The following RPL5 variants were observed in gnomAD, a reference collection of about 807,000 sequenced individuals.
RPL5 encodes ribosomal protein L5, also known as large ribosomal subunit protein uL18.
In RPL5, 1 loss-of-function variant was observed where a neutral mutation model predicts 38.4. The ratio of observed to expected loss-of-function variants is 0.03; its 90% confidence interval spans 0.01 to 0.12. The LOEUF is 0.12. Ranked by LOEUF, RPL5 falls within the 10% of genes least tolerant of loss-of-function variation. The pLI is 1.00. For synonymous variants in RPL5, 109 were observed against 121.2 expected (o/e 0.90, Z 0.66); for missense variants, 243 against 374.1 (o/e 0.65, Z 2.89).
At chr1:92,833,092 C>T in intron 1 of RPL5, 1 of 707,002 alleles carries the variant, frequency 1.4e-6, no homozygotes, top group South Asian at 1.5e-5. Context: ...AGCAATATAA[C>T]AATAATTTTA....
rs1687008007 is a variant in RPL5, at chr1:92,833,735, G to A, written c.189+75G>A. Reference sequence around the variant, plus strand: ...GCTTGGGAAGCAAAGCACATGGTGTGTGTGTTAGAAGGGCTGTCTAGCACC... The same window carrying A: ...GCTTGGGAAGCAAAGCACATGGTGTATGTGTTAGAAGGGCTGTCTAGCACC... On this transcript the variant is annotated intron_variant, in intron 3 of 7. Coordinates refer to ENST00000370321, the MANE Select transcript of RPL5 (RefSeq NM_000969.5). 5 of 1,228,626 alleles carry A rather than the reference G, an allele frequency of 4.1e-6. No homozygotes were observed. In the Admixed American group the frequency reaches 6.9e-5, roughly 17 times the overall value. The allele number at this position is 1,228,626 out of a possible 1,614,324, so 76.1% of individuals were successfully genotyped here.
intron 3 of RPL5, 58 bp from the exon 4 acceptor site, chr1:92,834,721 A>G: frequency 6.2e-7 from 1 of 1,602,468 alleles, no homozygotes; most frequent in Non-Finnish European, 8.5e-7. Context: ...AAAATAATTA[A>G]GATGTAGTAA....
chr1:92,833,527 A>G lies in RPL5; in HGVS notation c.74-18A>G, dbSNP rs933158035. 2.5e-6 allele frequency: 4 copies of G among 1,612,580 alleles called. No homozygotes were observed. Among genetic ancestry groups the G allele is most frequent in the East Asian group, 2.2e-5 (1 of 44,876 alleles). On this transcript the variant is annotated intron_variant, in intron 2 of 7. Coordinates refer to ENST00000370321, the MANE Select transcript of RPL5 (RefSeq NM_000969.5). ...GATGCAGTGGAGTATCCTTTCTACA[A>G]TTATTTTTTTCTTTCAGAGGGTAAA...
At position 92,837,438 on chromosome 1, in the gene RPL5, T is replaced by A; in HGVS notation, c.528-18T>A. ...AGTTAAGTGAGTCTATACTAAAATA[T>A]GAATAACTTTATTTTAGTACCAAAC... On this transcript the variant is annotated intron_variant, in intron 5 of 7. Transcript: ENST00000370321. 1 of 1,603,770 alleles carries A rather than the reference T, an allele frequency of 6.2e-7. No individual in the cohort carries two copies. The highest frequency in any genetic ancestry group is 8.5e-7 in the Non-Finnish European group (1 of 1,170,584).
At chr1:92,841,047 T>C (rs551632884) in intron 7 of RPL5, among the ~76,000 whole-genome samples, 5 of 152,230 alleles carry the variant, frequency 3.3e-5, no homozygotes, top group Non-Finnish European at 7.3e-5. Context: ...CTTAACACTT[T>C]GTGGCAACAA....
chr1:92,833,727 C>CA, intron 3 of RPL5, 67 bp downstream of exon 3: 2 of 1,295,134 alleles, frequency 1.5e-6, no homozygotes, highest in Non-Finnish European at 2.2e-6. Flanking sequence ...AAGCAAAGCA[C>CA]ATGGTGTGTG....
At chr1:92,836,491 T>C in intron 5 of RPL5, 99 bp downstream of exon 5, 2 of 1,079,226 alleles carry the variant, frequency 1.9e-6, no homozygotes, top group African/African-American at 1.5e-5. Context: ...TAGCTATCAA[T>C]TGAATGCCTG....
At position 92,836,297 on chromosome 1, in the gene RPL5, C is replaced by T. The variant is rs1687122258; in HGVS notation, c.432C>T (p.Cys144=). The change falls in exon 5 of 8, where the codon TGC becomes TGT. Residue 144 remains cysteine, a synonymous_variant. Transcript: ENST00000370321. The part of the protein sequence containing the change: ...SIDGQPGAFT[C]YLDAGLARTT... ...ATGGTCAGCCAGGTGCCTTCACCTG[C>T]TATTTGGATGCAGGCCTTGCCAGAA... 3.1e-6 allele frequency: 5 copies of T among 1,614,132 alleles called. No homozygotes were observed. Among genetic ancestry groups the T allele is most frequent in the Non-Finnish European group, 4.2e-6 (5 of 1,179,996 alleles).
rs1472354646 is a variant in RPL5 at position 92,833,525 on chromosome 1, C to T, written c.74-20C>T. On this transcript the variant is annotated intron_variant, in intron 2 of 7. Coordinates refer to ENST00000370321, the MANE Select transcript of RPL5 (RefSeq NM_000969.5). ...CAGATGCAGTGGAGTATCCTTTCTA[C>T]AATTATTTTTTTCTTTCAGAGGGTA... 1 of 1,611,696 alleles carries T rather than the reference C, an allele frequency of 6.2e-7. No homozygotes were observed. The highest frequency in any genetic ancestry group is 2.2e-5 in the East Asian group (1 of 44,854).
intron 5 of RPL5, chr1:92,836,801 T>C (rs1387676406): frequency 1.4e-5 from 3 of 220,242 alleles, no homozygotes; most frequent in Non-Finnish European, 1.8e-5. Context: ...AAAAGGCTTA[T>C]GAAAGATTTC....
At chr1:92,837,964 A>G (rs150488958) in intron 6 of RPL5, among the ~76,000 whole-genome samples, 61 of 152,316 alleles carry the variant, frequency 4.0e-4, no homozygotes, top group African/African-American at 1.4e-3. Flanking sequence ...TTCATAGCAT[A>G]TGTGTGCTAT....
intron 6 of RPL5, among the ~76,000 whole-genome samples, chr1:92,838,996 T>C (rs1687231096): frequency 4.0e-5 from 6 of 150,926 alleles, no homozygotes; most frequent in Middle Eastern, 3.4e-3. Flanking sequence ...TAGTCTGTAG[T>C]GGGCTATAAT....
chr1:92,835,453 G>C (rs1253782510), intron 4 of RPL5, among the ~76,000 whole-genome samples: 1 of 151,176 alleles, frequency 6.6e-6, no homozygotes, highest in Non-Finnish European at 1.5e-5. Context: ...AGGAGTTTGA[G>C]ACTAGCCTGG....
intron 4 of RPL5, 45 bp downstream of exon 4, chr1:92,834,958 C>T (rs1481901033): frequency 6.3e-7 from 1 of 1,599,404 alleles, no homozygotes; most frequent in African/African-American, 1.3e-5. Flanking sequence ...TGGCTGATTG[C>T]TTGGAGAGTT....
chr1:92,841,725 T>C, intron 7 of RPL5, 41 bp from the exon 8 acceptor site: 1 of 1,284,550 alleles, frequency 7.8e-7, no homozygotes, highest in Non-Finnish European at 1.1e-6. Flanking sequence ...TCTATTCTCT[T>C]CAGTTATAGT....
chr1:92,841,747 A>G lies in RPL5; in HGVS notation c.795-19A>G. On this transcript the variant is annotated intron_variant, in intron 7 of 7. Transcript: ENST00000370321. ...TCTTCAGTTATAGTTTAAAAAATAT[A>G]TATTCCTATCTTTTGTAGGTGGAAC... 1 of 1,543,156 alleles carries G rather than the reference A, an allele frequency of 6.5e-7. No homozygotes were observed. The highest frequency in any genetic ancestry group is 8.9e-7 in the Non-Finnish European group (1 of 1,118,854).
intron 1 of RPL5, 55 bp downstream of exon 1, chr1:92,832,172 G>A (rs377193970): frequency 6.2e-7 from 1 of 1,611,160 alleles, no homozygotes; most frequent in Non-Finnish European, 8.5e-7. Flanking sequence ...CCCTTTTCTT[G>A]CCCGTATGCC....
At chr1:92,832,302 G>T (rs942929982) in intron 1 of RPL5, 185 bp downstream of exon 1, 21 of 894,000 alleles carry the variant, frequency 2.3e-5, no homozygotes, top group Admixed American at 1.6e-4. Flanking sequence ...GCGCGAACTT[G>T]GGGGGAGGGG....
chr1:92,833,877 G>A lies in RPL5; in HGVS notation c.189+217G>A, dbSNP rs923184566. The A allele has an allele frequency of 2.0e-5, 11 of 550,274 alleles. No individual in the cohort carries two copies. The South Asian group carries it at 2.0e-4, about 10-fold the overall frequency. 34.1% of individuals were successfully genotyped at this position (550,274 alleles called of 1,614,324 possible). ...CTCATGCCTGTAATCCCAGCACTTC[G>A]GGAAGATTGCTTGAGCCCAGGAGTT... On this transcript the variant is annotated intron_variant, in intron 3 of 7. Transcript: ENST00000370321.
Sources: allele counts gnomAD v4.1 joint callset (sites outside exome capture counted in the v4.1 genomes callset), GRCh38; gene constraint gnomAD v4.1.1; transcripts MANE v1.5; gene names NCBI Gene and HGNC (gene_info 2026-07-23, HGNC 2026-07-21).